Variants in RALYL observed in about 807,000 individuals in gnomAD.
The protein encoded by RALYL is RNA-binding Raly-like protein.
A neutral mutation model predicts 35.1 loss-of-function variants in RALYL; 29 were observed. The observed-to-expected ratio is 0.83, with a 90% CI of 0.61 to 1.13. The LOEUF (loss-of-function observed/expected upper bound fraction) is 1.13. Among genes scored for constraint, RALYL ranks in the 50% most tolerant of loss-of-function variants. RALYL has a pLI of 0.00. For missense variants in RALYL, 359 were observed against 360.4 expected (o/e 1.00, Z 0.03); for synonymous variants, 120 against 127.6 (o/e 0.94, Z 0.40).
At chr8:84,289,158 C>T (rs74910892) in intron 1 of RALYL, among the ~76,000 whole-genome samples, 3,944 of 152,134 alleles carry the variant, frequency 0.026, 94 homozygotes, top group Non-Finnish European at 0.029. Flanking sequence ...GTTAGGCTTC[C>T]AGCATCCCAC....
intron 2 of RALYL, among the ~76,000 whole-genome samples, chr8:84,758,705 C>A (rs1183661962): frequency 6.6e-6 from 1 of 152,098 alleles, no homozygotes; most frequent in African/African-American, 2.4e-5. Flanking sequence ...ATGAAAGACA[C>A]CATCTTTTTA....
chr8:84,408,316 G>T (rs769074506), intron 1 of RALYL, among the ~76,000 whole-genome samples: 27 of 151,974 alleles, frequency 1.8e-4, no homozygotes, highest in Middle Eastern at 3.4e-3. Context: ...AAAGTTCTGA[G>T]GTTACTTAGA....
chr8:84,790,619 A>G (rs1313346984), intron 3 of RALYL, among the ~76,000 whole-genome samples: 3 of 152,224 alleles, frequency 2.0e-5, no homozygotes, highest in Non-Finnish European at 4.4e-5. Context: ...AGTTAATGCT[A>G]CAAGAAAATC....
chr8:84,603,379 G>C, intron 2 of RALYL, among the ~76,000 whole-genome samples: 1 of 151,876 alleles, frequency 6.6e-6, no homozygotes, highest in East Asian at 1.9e-4. Context: ...TCTTTGTCAG[G>C]TTAAATGTTA....
chr8:84,236,843 T>C lies in RALYL; in HGVS notation c.-24+52419T>C, dbSNP rs377031379. Among the ~76,000 whole-genome samples the C allele has an allele frequency of 7.6e-4, 115 of 152,308 alleles. 2 individuals are homozygous for C. In the South Asian group the frequency reaches 0.018, roughly 24 times the overall value. On this transcript the variant is annotated intron_variant, in intron 1 of 8. Transcript: ENST00000521268. ...TTTCATGCTTCAAACACAGGTAGAA[T>C]ATAATAAAATTATGGGAGATGATGT...
rs184467481 is a variant in RALYL at position 84,451,355 on chromosome 8, G to A, written c.-23-77944G>A. Among the ~76,000 whole-genome samples the A allele has an allele frequency of 5.5e-4, 84 of 151,978 alleles. No individual in the cohort carries two copies. The Middle Eastern group carries it at 0.017, about 31-fold the overall frequency. On this transcript the variant is annotated intron_variant, in intron 1 of 8. Coordinates refer to ENST00000521268, the MANE Select transcript of RALYL (RefSeq NM_173848.7). ...AAATCAGAGCAAGAGAGAGAAAGAC[G>A]GAAACTGATATAGTATGCTCCCCAA...
intron 6 of RALYL, among the ~76,000 whole-genome samples, chr8:84,871,945 T>A (rs1840274051): frequency 6.6e-6 from 1 of 152,178 alleles, no homozygotes; most frequent in Non-Finnish European, 1.5e-5. Context: ...TTTGTTTTTT[T>A]ATTTTTTCAA....
At chr8:84,611,733 T>A (rs372411971) in intron 2 of RALYL, among the ~76,000 whole-genome samples, 1 of 152,128 alleles carries the variant, frequency 6.6e-6, no homozygotes, top group Middle Eastern at 3.2e-3. Flanking sequence ...ACACATTACA[T>A]GTCTGTTTTT....
chr8:84,529,814 C>G (rs1440628279), intron 2 of RALYL, among the ~76,000 whole-genome samples: 1 of 152,048 alleles, frequency 6.6e-6, no homozygotes, highest in South Asian at 2.1e-4. Flanking sequence ...TTACCTCCAC[C>G]CATCCTAACA....
intron 1 of RALYL, among the ~76,000 whole-genome samples, chr8:84,525,717 A>G (rs978577657): frequency 3.4e-4 from 51 of 151,970 alleles, no homozygotes; most frequent in African/African-American, 1.2e-3. Context: ...TACAACTTCA[A>G]ATTCACAAAT....
intron 2 of RALYL, among the ~76,000 whole-genome samples, chr8:84,674,341 C>A (rs1040322317): frequency 6.6e-6 from 1 of 152,138 alleles, no homozygotes. Flanking sequence ...TTAACTTCCT[C>A]TCTTTGTATT....
At chr8:84,766,852 A>G (rs1243192940) in intron 2 of RALYL, among the ~76,000 whole-genome samples, 1 of 151,976 alleles carries the variant, frequency 6.6e-6, no homozygotes, top group East Asian at 1.9e-4. Flanking sequence ...TGGTCTGTAT[A>G]AATTTAATTA....
chr8:84,217,293 G>T (rs1978829), intron 1 of RALYL, among the ~76,000 whole-genome samples: 5,099 of 151,962 alleles, frequency 0.034, 289 homozygotes, highest in African/African-American at 0.11. Context: ...ATGTCAATAT[G>T]TTTTATTAGT....
chr8:84,214,754 A>C (rs923542720), intron 1 of RALYL, among the ~76,000 whole-genome samples: 5 of 152,118 alleles, frequency 3.3e-5, no homozygotes, highest in Admixed American at 1.3e-4. Flanking sequence ...TTGTTGGGAG[A>C]CAGAAAATAG....
chr8:84,291,673 T>C (rs1187317916), intron 1 of RALYL, among the ~76,000 whole-genome samples: 3 of 151,972 alleles, frequency 2.0e-5, no homozygotes, highest in African/African-American at 7.2e-5. Context: ...ACTATAGATA[T>C]AATTGTCATC....
rs1474193320 is a variant in RALYL at position 84,349,413 on chromosome 8, A to G, written c.-24+164989A>G. Reference sequence around the variant, plus strand: ...TAGGTATTACAGTTTAAGAAACTGAACAAGGGGAAGAGCTGAAATCCAAAC... The same window carrying G: ...TAGGTATTACAGTTTAAGAAACTGAGCAAGGGGAAGAGCTGAAATCCAAAC... On this transcript the variant is annotated intron_variant, in intron 1 of 8. Transcript: ENST00000521268. 2.0e-5 allele frequency among the ~76,000 whole-genome samples: 3 copies of G among 150,348 alleles called. 1 individual carries two copies. The highest frequency in any genetic ancestry group is 7.4e-5 in the African/African-American group (3 of 40,432).
intron 2 of RALYL, among the ~76,000 whole-genome samples, chr8:84,629,546 A>G (rs1318894841): frequency 6.6e-6 from 1 of 152,044 alleles, no homozygotes; most frequent in African/African-American, 2.4e-5. Flanking sequence ...AATTCCATGG[A>G]ATGCAAACCT....
chr8:84,443,865 G>A (rs540172419), intron 1 of RALYL, among the ~76,000 whole-genome samples: 4 of 152,156 alleles, frequency 2.6e-5, no homozygotes, highest in Admixed American at 1.3e-4. Context: ...ACACAAACTC[G>A]ATGATAGCAA....
At chr8:84,800,147 G>C (rs1368427656) in intron 3 of RALYL, among the ~76,000 whole-genome samples, 1 of 152,140 alleles carries the variant, frequency 6.6e-6, no homozygotes, top group Non-Finnish European at 1.5e-5. Flanking sequence ...TTTCTCAATA[G>C]AGCATAGAAG....
Sources: gnomAD v4.1 joint callset for allele counts (sites outside exome capture counted in the v4.1 genomes callset) on GRCh38, gnomAD v4.1.1 for gene constraint, MANE v1.5 for transcripts, NCBI Gene and HGNC (gene_info 2026-07-23, HGNC 2026-07-21) for gene names.